GLIS3: variants seen among roughly 807,000 people sequenced by gnomAD.
GLIS3 encodes zinc finger protein GLIS3.
A neutral mutation model predicts 78.6 loss-of-function variants in GLIS3; 53 were observed. That is an observed-to-expected ratio of 0.67 (90% CI 0.54 to 0.85). GLIS3 has a LOEUF of 0.85. Among genes scored for constraint, GLIS3 ranks in the 40% least tolerant of loss-of-function variants. The pLI, the probability that GLIS3 is intolerant of heterozygous loss-of-function variation, is 0.00. For synonymous variants in GLIS3, 684 were observed against 509.9 expected (o/e 1.34, Z -4.60); for missense variants, 1,703 against 1,231.1 (o/e 1.38, Z -5.74).
intron 4 of GLIS3, among the ~76,000 whole-genome samples, chr9:4,056,306 T>C (rs1240850794): frequency 6.6e-6 from 1 of 152,236 alleles, no homozygotes; most frequent in Non-Finnish European, 1.5e-5. Flanking sequence ...TTTATTCTTA[T>C]TTCACTGTCA....
chr9:3,929,055 C>T (rs1241651072), intron 6 of GLIS3, among the ~76,000 whole-genome samples: 1 of 152,170 alleles, frequency 6.6e-6, no homozygotes, highest in Middle Eastern at 3.2e-3. Flanking sequence ...TCTTATTTCA[C>T]TTACTCATTA....
At chr9:4,199,451 AT>A (rs560840239) in intron 2 of GLIS3, among the ~76,000 whole-genome samples, 187 of 149,920 alleles carry the variant, frequency 1.2e-3, no homozygotes, top group African/African-American at 3.6e-3. Flanking sequence ...CATATCATAT[AT>A]AAGTTATATA....
At chr9:4,431,629 G>A in the GLIS3 span, among the ~76,000 whole-genome samples, 1 of 152,174 alleles carries the variant, frequency 6.6e-6, no homozygotes, top group African/African-American at 2.4e-5. Context: ...TGGATCACTT[G>A]AGATCAGGAG....
chr9:3,909,441 G>T (rs1320971618), intron 6 of GLIS3, among the ~76,000 whole-genome samples: 2 of 152,144 alleles, frequency 1.3e-5, no homozygotes, highest in Admixed American at 6.5e-5. Context: ...GGACCAATTT[G>T]CAAAGAGAAA....
At chr9:4,317,607 TATG>T (rs1817460779) in intron 2 of GLIS3, among the ~76,000 whole-genome samples, 1 of 152,274 alleles carries the variant, frequency 6.6e-6, no homozygotes, top group Admixed American at 6.5e-5. Context: ...CATCCTTTTA[TATG>T]ATACCTATTT....
chr9:3,867,954 T>C (rs1820708311), intron 8 of GLIS3, among the ~76,000 whole-genome samples: 1 of 152,180 alleles, frequency 6.6e-6, no homozygotes, highest in Non-Finnish European at 1.5e-5. Flanking sequence ...ATGATGTTCA[T>C]GATGACATGG....
At chr9:4,315,009 A>C (rs1345900037) in intron 2 of GLIS3, among the ~76,000 whole-genome samples, 2 of 152,238 alleles carry the variant, frequency 1.3e-5, no homozygotes, top group Non-Finnish European at 2.9e-5. Context: ...GCCATTCTAT[A>C]GCTACTGAAG....
chr9:3,985,137 AATT>A (rs1226361772), intron 4 of GLIS3, among the ~76,000 whole-genome samples: 1 of 151,618 alleles, frequency 6.6e-6, no homozygotes, highest in Admixed American at 6.6e-5. Context: ...TTTCAGTCAA[AATT>A]ATTATTATTA....
intron 6 of GLIS3, among the ~76,000 whole-genome samples, chr9:3,920,234 A>C (rs1824793168): frequency 1.3e-5 from 2 of 152,052 alleles, no homozygotes; most frequent in African/African-American, 4.8e-5. Flanking sequence ...CAATCTCCTG[A>C]CCTCGTGATC....
intron 6 of GLIS3, among the ~76,000 whole-genome samples, chr9:3,930,133 C>G (rs1368590447): frequency 3.9e-5 from 6 of 152,182 alleles, no homozygotes; most frequent in African/African-American, 1.4e-4. Context: ...ATTAATCCAT[C>G]ATGGATTCAT....
intron 3 of GLIS3, among the ~76,000 whole-genome samples, chr9:4,122,602 T>C (rs1041807593): frequency 6.6e-6 from 1 of 152,214 alleles, no homozygotes; most frequent in African/African-American, 2.4e-5. Context: ...ACTTGGACTT[T>C]CTGTGTCCTG....
At chr9:3,901,972 C>T (rs546293349) in intron 6 of GLIS3, among the ~76,000 whole-genome samples, 2 of 152,280 alleles carry the variant, frequency 1.3e-5, no homozygotes, top group East Asian at 3.9e-4. Flanking sequence ...TTACCAAGGG[C>T]AGACATGGAT....
At chr9:3,924,977 G>A (rs1825125892) in intron 6 of GLIS3, among the ~76,000 whole-genome samples, 1 of 152,186 alleles carries the variant, frequency 6.6e-6, no homozygotes, top group South Asian at 2.1e-4. Flanking sequence ...GCACTGTACA[G>A]CCTGAATAGC....
chr9:3,902,952 G>A (rs989488557), intron 6 of GLIS3, among the ~76,000 whole-genome samples: 9 of 152,212 alleles, frequency 5.9e-5, no homozygotes, highest in African/African-American at 2.2e-4. Context: ...CACAGGAGGA[G>A]AGGATACCTA....
At chr9:4,167,395 A>G (rs1455816144) in intron 2 of GLIS3, among the ~76,000 whole-genome samples, 1 of 152,202 alleles carries the variant, frequency 6.6e-6, no homozygotes, top group Non-Finnish European at 1.5e-5. Context: ...AAAAATAAAT[A>G]TATTAAGCCA....
chr9:4,066,227 C>T (rs1827085760), intron 4 of GLIS3, among the ~76,000 whole-genome samples: 1 of 152,114 alleles, frequency 6.6e-6, no homozygotes, highest in South Asian at 2.1e-4. Context: ...GGCACAGAAG[C>T]GAAAGAGACT....
At chr9:4,027,687 A>C (rs1823460972) in intron 4 of GLIS3, among the ~76,000 whole-genome samples, 1 of 152,208 alleles carries the variant, frequency 6.6e-6, no homozygotes, top group Non-Finnish European at 1.5e-5. Flanking sequence ...GCTCATACTG[A>C]AATCATTTCA....
At chr9:3,864,907 G>T (rs903118292) in intron 8 of GLIS3, among the ~76,000 whole-genome samples, 1 of 152,172 alleles carries the variant, frequency 6.6e-6, no homozygotes, top group Admixed American at 6.5e-5. Context: ...ACAAATGTAG[G>T]TCATTGCTGC....
chr9:4,342,578 G>C (rs955048216), intron 2 of GLIS3, among the ~76,000 whole-genome samples: 3 of 152,150 alleles, frequency 2.0e-5, no homozygotes, highest in Admixed American at 1.3e-4. Context: ...GGCTATTTCA[G>C]CTGTTTTTTT....
Sources: gnomAD v4.1 joint callset for allele counts (sites outside exome capture counted in the v4.1 genomes callset) on GRCh38, gnomAD v4.1.1 for gene constraint, MANE v1.5 for transcripts, NCBI Gene and HGNC (gene_info 2026-07-23, HGNC 2026-07-21) for gene names.